FUT8: variants seen among roughly 807,000 people sequenced by gnomAD.
The protein encoded by FUT8 is fucosyltransferase 8.
Under a neutral mutation model 71.3 loss-of-function variants are expected in FUT8, and 29 were observed. The ratio of observed to expected loss-of-function variants is 0.41; its 90% CI spans 0.30 to 0.55. The LOEUF is 0.55. Among genes scored for constraint, FUT8 ranks in the 20% least tolerant of loss-of-function variants. The pLI is 0.34. For missense variants in FUT8, 544 were observed against 702.1 expected (o/e 0.77, Z 2.55); for synonymous variants, 254 against 239.3 (o/e 1.06, Z -0.57).
chr14:65,649,859 G>C (rs1891280880), intron 6 of FUT8, among the ~76,000 whole-genome samples: 1 of 152,218 alleles, frequency 6.6e-6, no homozygotes, highest in Non-Finnish European at 1.5e-5. Flanking sequence ...CAATAAATGA[G>C]TAATGTTGCA....
chr14:65,585,976 G>C (rs1887358225), intron 3 of FUT8, among the ~76,000 whole-genome samples: 1 of 152,082 alleles, frequency 6.6e-6, no homozygotes, highest in South Asian at 2.1e-4. Context: ...GGACAAGCAA[G>C]AGATTAAAAC....
intron 3 of FUT8, among the ~76,000 whole-genome samples, chr14:65,576,832 TC>T (rs1301990085): frequency 6.6e-6 from 1 of 150,466 alleles, no homozygotes; most frequent in African/African-American, 2.5e-5. Context: ...CGATTCTCCT[TC>T]CTCTGCCTCC....
intron 5 of FUT8, among the ~76,000 whole-genome samples, chr14:65,617,486 C>G (rs1200022851): frequency 6.6e-6 from 1 of 152,150 alleles, no homozygotes; most frequent in Non-Finnish European, 1.5e-5. Flanking sequence ...AAAGCTGATT[C>G]TAGGCACGAA....
At chr14:65,511,365 A>G (rs2139817664) in intron 2 of FUT8, among the ~76,000 whole-genome samples, 1 of 152,282 alleles carries the variant, frequency 6.6e-6, no homozygotes, top group East Asian at 1.9e-4. Flanking sequence ...TCCATATGCT[A>G]AAGAAAAGAA....
chr14:65,379,541 CA>C, the FUT8 span, among the ~76,000 whole-genome samples: 57 of 142,004 alleles, frequency 4.0e-4, no homozygotes, highest in Middle Eastern at 3.6e-3. Context: ...AAACAAAAAA[CA>C]AAAAAAAAAA....
At chr14:65,640,053 C>T (rs1594848719) in intron 6 of FUT8, among the ~76,000 whole-genome samples, 1 of 151,934 alleles carries the variant, frequency 6.6e-6, no homozygotes, top group South Asian at 2.1e-4. Context: ...TCTGCATATA[C>T]TTTTTCTTCC....
At chr14:65,613,353 C>A (rs1316411970) in intron 3 of FUT8, among the ~76,000 whole-genome samples, 1 of 152,116 alleles carries the variant, frequency 6.6e-6, no homozygotes, top group South Asian at 2.1e-4. Flanking sequence ...AAGTTTTATT[C>A]TATTTTCAAA....
chr14:65,379,316 G>C, the FUT8 span, among the ~76,000 whole-genome samples: 1 of 152,014 alleles, frequency 6.6e-6, no homozygotes, highest in South Asian at 2.1e-4. Context: ...GATCACTTGA[G>C]GTCAGGAGTT....
chr14:65,720,259 C>G (rs759096578), intron 7 of FUT8, among the ~76,000 whole-genome samples: 1 of 152,246 alleles, frequency 6.6e-6, no homozygotes, highest in Non-Finnish European at 1.5e-5. Context: ...TACAAGCCCA[C>G]AGGGATTATT....
chr14:65,621,256 TG>T (rs997921184), intron 5 of FUT8, among the ~76,000 whole-genome samples: 5 of 151,918 alleles, frequency 3.3e-5, no homozygotes, highest in African/African-American at 4.8e-5. Flanking sequence ...TTTTTTTTTT[TG>T]TTTTGTTTTC....
chr14:65,661,732 G>C (rs541080549), intron 6 of FUT8, among the ~76,000 whole-genome samples: 2 of 152,288 alleles, frequency 1.3e-5, no homozygotes, highest in Admixed American at 1.3e-4. Context: ...GGAGTCAGTG[G>C]AAACCCATAA....
chr14:65,476,511 G>A (rs1291629436), intron 2 of FUT8, among the ~76,000 whole-genome samples: 1 of 152,204 alleles, frequency 6.6e-6, no homozygotes, highest in East Asian at 1.9e-4. Flanking sequence ...TACAACTGAA[G>A]TAGGTGTAAA....
chr14:65,431,081 C>T (rs1268736499), intron 1 of FUT8, among the ~76,000 whole-genome samples: 2 of 150,478 alleles, frequency 1.3e-5, no homozygotes, highest in African/African-American at 4.9e-5. Context: ...CTGCAACCTC[C>T]TGCTCCCGGG....
chr14:65,550,030 C>T lies in FUT8; in HGVS notation c.-227-11307C>T, dbSNP rs1885201468. Among the ~76,000 whole-genome samples the T allele has an allele frequency of 6.6e-6, 1 of 152,108 alleles. No individual in the cohort carries two copies. Among genetic ancestry groups the T allele is most frequent in the Non-Finnish European group, 1.5e-5 (1 of 68,020 alleles). The stretch of plus-strand genomic sequence containing the variant: ...GAGCCGAGATCTCGCCACTGCACTC[C>T]AGCCTGGGTGACAGAGCGAGACTCT... On this transcript the variant is annotated intron_variant, in intron 2 of 10. Transcript: ENST00000673929. The surrounding 1 kb of genome is among the most constrained non-coding windows in gnomAD (Gnocchi z 4.5).
chr14:65,630,876 GCTGTGGATGGCATA>G (rs1890147890), intron 6 of FUT8, among the ~76,000 whole-genome samples: 1 of 152,142 alleles, frequency 6.6e-6, no homozygotes, highest in South Asian at 2.1e-4. Context: ...CTTTTCTAAT[GCTGTGGATGGCATA>G]CTGTGTACGC....
intron 5 of FUT8, among the ~76,000 whole-genome samples, chr14:65,618,185 G>A (rs897612272): frequency 6.6e-6 from 1 of 150,514 alleles, no homozygotes; most frequent in African/African-American, 2.4e-5. Flanking sequence ...TATAGGCCTG[G>A]GCTACCATGT....
At chr14:65,392,324 T>C in the FUT8 span, among the ~76,000 whole-genome samples, 1 of 152,260 alleles carries the variant, frequency 6.6e-6, no homozygotes, top group Non-Finnish European at 1.5e-5. Context: ...GAGTGTCTGA[T>C]ACCCCTCAGG....
chr14:65,729,034 G>GTTTTTTTTTTTTTTTTTTTTTT (rs557668131), intron 9 of FUT8, among the ~76,000 whole-genome samples: 1 of 103,664 alleles, frequency 9.6e-6, no homozygotes, highest in Non-Finnish European at 1.8e-5. Flanking sequence ...TTGTAAACAT[G>GTTTTTTTTTTTTTTTTTTTTTT]TTTTTTTTTT....
At chr14:65,468,255 A>G (rs1360104029) in intron 2 of FUT8, 3 of 624,016 alleles carry the variant, frequency 4.8e-6, no homozygotes, top group African/African-American at 3.6e-5. Context: ...AGATTCGCAT[A>G]CATGTGGCCA....
Sources: allele counts gnomAD v4.1 joint callset (sites outside exome capture counted in the v4.1 genomes callset), GRCh38; gene constraint gnomAD v4.1.1; non-coding constraint Gnocchi (gnomAD v3.1); transcripts MANE v1.5; gene names NCBI Gene and HGNC (gene_info 2026-07-23, HGNC 2026-07-21).